DGKQ: variants seen among roughly 807,000 people sequenced by gnomAD.
DGKQ encodes the protein diacylglycerol kinase theta.
In DGKQ, 97 loss-of-function variants were observed where a neutral mutation model predicts 104.2. The observed-to-expected ratio is 0.93, with a 90% CI of 0.79 to 1.10. The LOEUF (loss-of-function observed/expected upper bound fraction) is 1.10. DGKQ is among the 50% of genes least tolerant of loss of function. DGKQ has a pLI of 0.00. For synonymous variants in DGKQ, 736 were observed against 595.2 expected (o/e 1.24, Z -3.44); for missense variants, 1,465 against 1,352.1 (o/e 1.08, Z -1.31).
Position 971,593 on chromosome 4 carries a change from C to T in DGKQ, c.272-521G>A, listed in dbSNP as rs1001945528. Among the ~76,000 whole-genome samples the T allele has an allele frequency of 4.6e-5, 7 of 152,194 alleles. No homozygotes were observed. The highest frequency in any genetic ancestry group is 1.4e-4 in the African/African-American group (6 of 41,458). On this transcript the variant is annotated intron_variant, in intron 1 of 22. Coordinates refer to ENST00000273814, the MANE Select transcript of DGKQ (RefSeq NM_001347.4). The surrounding 1 kb of genome is among the most constrained non-coding windows in gnomAD (Gnocchi z 4.0). The stretch of plus-strand genomic sequence containing the variant: ...GAGGCAGGAGCCGCTGGGGAGTGGA[C>T]AGCCCCAAGCCTCCCAAGGAGCTCT...
In DGKQ at chr4:971,886, G is replaced by C. The variant is rs1428145958; in HGVS notation, c.272-814C>G. ...GCTGGGACAGGGAGCTCTTCCAGAA[G>C]GCCCCGCTGGTGCCGCCCTTCACCT... On this transcript the variant is annotated intron_variant, in intron 1 of 22. Coordinates refer to ENST00000273814, the MANE Select transcript of DGKQ (RefSeq NM_001347.4). The surrounding 1 kb of genome is among the most constrained non-coding windows in gnomAD (Gnocchi z 4.0). Among the ~76,000 whole-genome samples, 1 of 152,120 alleles carries C rather than the reference G, an allele frequency of 6.6e-6. No homozygotes were observed. Among genetic ancestry groups the C allele is most frequent in the African/African-American group, 2.4e-5 (1 of 41,430 alleles).
At chr4:968,732 G>A in intron 3 of DGKQ, 79 bp downstream of exon 3, 1 of 1,420,762 alleles carries the variant, frequency 7.0e-7, no homozygotes, top group Admixed American at 2.0e-5. Context: ...CTGACAAGCT[G>A]CACAGCAGGG....
chr4:962,348 G>A, intron 18 of DGKQ, 87 bp downstream of exon 18: 1 of 1,345,844 alleles, frequency 7.4e-7, no homozygotes, highest in South Asian at 1.4e-5. Flanking sequence ...ACCCGAGTGT[G>A]GCTGGGAAGA....
intron 19 of DGKQ, 52 bp from the exon 20 acceptor site, chr4:961,886 A>G: frequency 6.3e-7 from 1 of 1,599,646 alleles, no homozygotes; most frequent in Non-Finnish European, 8.5e-7. Context: ...ACCCCGCCTT[A>G]GGCAGCCTCC....
At chr4:968,180 G>GTGGTT (rs1712590286) in intron 5 of DGKQ, 102 bp downstream of exon 5, 7 of 640,364 alleles carry the variant, frequency 1.1e-5, no homozygotes, top group Non-Finnish European at 1.6e-5. Context: ...TGGAACCCGC[G>GTGGTT]CCTCTCCTGC....
At chr4:963,786 G>A (rs942206221) in intron 15 of DGKQ, among the ~76,000 whole-genome samples, 1 of 152,106 alleles carries the variant, frequency 6.6e-6, no homozygotes, top group Non-Finnish European at 1.5e-5. Context: ...GGCGTCCCTC[G>A]ACCACAGGAC....
chr4:962,902 C>G lies in DGKQ; in HGVS notation c.1905G>C (p.Gln635His), dbSNP rs910254543. Residue 635 changes from glutamine to histidine, a missense_variant, in exon 17 of 23, where the codon CAG becomes CAC. Coordinates refer to ENST00000273814, the MANE Select transcript of DGKQ (RefSeq NM_001347.4). ...ACACCAGCACCCGGAAGCAGGGCACCTGGGAGAACAGGTGGAGCCTAGCGG... is the reference window on the plus strand; with the variant it reads ...ACACCAGCACCCGGAAGCAGGGCACGTGGGAGAACAGGTGGAGCCTAGCGG... ...GPLPGLHLFS[Q>H]VPCFRVLVCG... 1 of 1,609,348 alleles carries G rather than the reference C, an allele frequency of 6.2e-7. No homozygotes were observed. The highest frequency in any genetic ancestry group is 1.7e-5 in the Admixed American group (1 of 59,648).
At position 971,065 on chromosome 4, in the gene DGKQ, A is replaced by C; in HGVS notation, c.279T>G (p.Asn93Lys). 1 of 1,557,536 alleles carries C rather than the reference A, an allele frequency of 6.4e-7. No homozygotes were observed. Among genetic ancestry groups the C allele is most frequent in the Non-Finnish European group, 8.7e-7 (1 of 1,150,022 alleles). ...TCAGGCACTTCTCATGAGACATGAA[A>C]TTGCAGACTGTGGGAATGAGCACTG... Reference protein sequence around the residue: ...GLAGFLCDVCNFMSHEKCLKH... With the variant: ...GLAGFLCDVCKFMSHEKCLKH... Residue 93 changes from asparagine (N) to lysine (K), a missense_variant, in exon 2 of 23, where the codon AAT becomes AAG. By Grantham distance (94) the Asn-to-Lys change is moderately conservative (BLOSUM62 0). Transcript: ENST00000273814. This position sits in a 1 kb window ranked among gnomAD's most constrained non-coding sequence, Gnocchi z 4.0.
chr4:962,832 C>T lies in DGKQ; in HGVS notation c.1975G>A (p.Glu659Lys). The T allele has an allele frequency of 6.2e-7, 1 of 1,606,588 alleles. No homozygotes were observed. Among genetic ancestry groups the T allele is most frequent in the Non-Finnish European group, 8.5e-7 (1 of 1,177,444 alleles). ...TVGWVLGALE[E>K]TRYRLACPEP... Reference sequence around the variant, plus strand: ...GGGCAGGCCAGTCGGTACCGTGTCTCCTCCAGGGCGCCAAGCACCCAGCCC... The same window carrying T: ...GGGCAGGCCAGTCGGTACCGTGTCTTCTCCAGGGCGCCAAGCACCCAGCCC... The change falls in exon 17 of 23, where the codon GAG becomes AAG. Residue 659 changes from glutamate (E) to lysine (K), a missense_variant. Glu to Lys is a moderately conservative substitution (Grantham distance 56, BLOSUM62 1). Transcript: ENST00000273814.
At chr4:962,152 C>A in intron 18 of DGKQ, 70 bp from the exon 19 acceptor site, 7 of 1,371,550 alleles carry the variant, frequency 5.1e-6, no homozygotes, top group Non-Finnish European at 7.2e-6. Flanking sequence ...CCCAACAGCT[C>A]TGCCGGCAGG....
Position 963,182 on chromosome 4 carries a change from G to A in DGKQ, c.1843C>T (p.Pro615Ser), listed in dbSNP as rs1463376038. The A allele has an allele frequency of 1.9e-6, 3 of 1,610,666 alleles. No individual in the cohort carries two copies. The highest frequency in any genetic ancestry group is 2.2e-5 in the East Asian group (1 of 44,788). Reference protein sequence around the residue: ...LLCSFRKLLNPHQVFDLTNGG... With the variant: ...LLCSFRKLLNSHQVFDLTNGG... ...TTGGTCAGGTCGAAGACCTGATGAGGGTTCAGTAGCTTCCGGAAGCTGCAG... is the reference window on the plus strand; with the variant it reads ...TTGGTCAGGTCGAAGACCTGATGAGAGTTCAGTAGCTTCCGGAAGCTGCAG... Residue 615 changes from proline (P) to serine (S), a missense_variant, in exon 16 of 23, where the codon CCT (proline) becomes TCT (serine). Coordinates refer to ENST00000273814, the MANE Select transcript of DGKQ (RefSeq NM_001347.4).
intron 18 of DGKQ, 152 bp from the exon 19 acceptor site, chr4:962,234 G>T: frequency 3.4e-6 from 3 of 885,602 alleles, no homozygotes; most frequent in Non-Finnish European, 5.2e-6. Context: ...GCAGGTCCTG[G>T]CCAGGCTCTG....
At position 971,901 on chromosome 4, in the gene DGKQ, G is replaced by A. The variant is rs1712961608; in HGVS notation, c.272-829C>T. Among the ~76,000 whole-genome samples, 2 of 152,128 alleles carry A rather than the reference G, an allele frequency of 1.3e-5. No homozygotes were observed. Among genetic ancestry groups the A allele is most frequent in the African/African-American group, 2.4e-5 (1 of 41,434 alleles). ...TCTTCCAGAAGGCCCCGCTGGTGCC[G>A]CCCTTCACCTGCTGCAGCCCTAGCC... On this transcript the variant is annotated intron_variant, in intron 1 of 22. Transcript: ENST00000273814. This position sits in a 1 kb window ranked among gnomAD's most constrained non-coding sequence, Gnocchi z 4.0.
At chr4:965,107 C>G (rs1028857746) in intron 15 of DGKQ, 69 bp downstream of exon 15, 10 of 1,296,964 alleles carry the variant, frequency 7.7e-6, no homozygotes, top group Non-Finnish European at 1.1e-5. Flanking sequence ...GCCTGTGCAC[C>G]TGCAGACCCC....
At position 965,981 on chromosome 4, in the gene DGKQ, C is replaced by T. The variant is rs1486949806; in HGVS notation, c.1526G>A (p.Gly509Asp). 2.9e-5 allele frequency: 46 copies of T among 1,605,272 alleles called. No individual in the cohort carries two copies. In the Admixed American group the frequency reaches 7.6e-4, roughly 27 times the overall value. ...GCTGCTGTACTCCTCGGGAGACAGG[C>T]CGGGAGGCAGGCCGCCAACAAACAG... The part of the protein sequence containing the change: ...VSLFVGGLPP[G>D]LSPEEYSSLL... The change falls in exon 13 of 23, where the codon GGC (glycine) becomes GAC (aspartate). Residue 509 changes from glycine (G) to aspartate (D), a missense_variant. Physicochemically the swap from Gly to Asp is moderately conservative, Grantham distance 94. Coordinates refer to ENST00000273814, the MANE Select transcript of DGKQ (RefSeq NM_001347.4).
chr4:964,723 G>A (rs1185982072), intron 15 of DGKQ, among the ~76,000 whole-genome samples: 1 of 152,216 alleles, frequency 6.6e-6, no homozygotes, highest in Non-Finnish European at 1.5e-5. Flanking sequence ...GGCAGGGGGA[G>A]TGAGGCTGAG....
At chr4:963,330 TG>T in intron 15 of DGKQ, 40 bp from the exon 16 acceptor site, 2 of 1,564,452 alleles carry the variant, frequency 1.3e-6, no homozygotes, top group Non-Finnish European at 1.7e-6. Flanking sequence ...GGACCCAAGG[TG>T]GGGTGTCCCC....
In DGKQ at chr4:968,824, C is replaced by T. The variant is rs145674824; in HGVS notation, c.438G>A (p.Ala146=). Residue 146 remains alanine, a synonymous_variant, in exon 3 of 23, where the codon GCG becomes GCA. Coordinates refer to ENST00000273814, the MANE Select transcript of DGKQ (RefSeq NM_001347.4). ...AVCRKVLEAP[A]LHCEVCELHL... is the part of the protein sequence containing the mutation. ...GGCTCCAGGTACCTTCGCAGTGGAG[C>T]GCCGGTGCCTCCAGGACCTTGCGGC... 1.3e-4 allele frequency: 212 copies of T among 1,610,588 alleles called. No individual in the cohort carries two copies. The highest frequency in any genetic ancestry group is 1.7e-4 in the Middle Eastern group (1 of 5,744).
At chr4:961,868 G>A (rs1376792648) in intron 19 of DGKQ, 34 bp from the exon 20 acceptor site, 30 of 1,593,290 alleles carry the variant, frequency 1.9e-5, no homozygotes, top group Non-Finnish European at 2.5e-5. Context: ...ATCACCAGGG[G>A]AAGCCCTACC....
Sources: gnomAD v4.1 joint callset for allele counts (sites outside exome capture counted in the v4.1 genomes callset) on GRCh38, gnomAD v4.1.1 for gene constraint, Gnocchi (gnomAD v3.1) non-coding constraint, MANE v1.5 for transcripts, NCBI Gene and HGNC (gene_info 2026-07-23, HGNC 2026-07-21) for gene names.